Variants in CDKN1B observed in about 807,000 individuals in gnomAD.
The protein encoded by CDKN1B is cyclin dependent kinase inhibitor 1B.
Under a neutral mutation model 17.1 loss-of-function variants are expected in CDKN1B, and 7 were observed. The observed-to-expected ratio is 0.41, with a 90% CI of 0.23 to 0.77. The LOEUF (loss-of-function observed/expected upper bound fraction) is 0.77. Ranked by LOEUF, CDKN1B falls within the 30% of genes least tolerant of loss-of-function variation. The pLI is 0.33. For missense variants in CDKN1B, 337 were observed against 262.0 expected (o/e 1.29, Z -1.98); for synonymous variants, 149 against 104.3 (o/e 1.43, Z -2.61).
At chr12:12,720,875 C>T (rs1946535126) in intron 2 of CDKN1B, among the ~76,000 whole-genome samples, 161 bp from the exon 3 acceptor site, 1 of 152,074 alleles carries the variant, frequency 6.6e-6, no homozygotes, top group African/African-American at 2.4e-5. Context: ...AAAAAAAAAT[C>T]CAGTTAAGAG....
At position 12,721,082 on chromosome 12, in the gene CDKN1B, G is replaced by A; in HGVS notation, c.*55G>A. Reference sequence around the variant, plus strand: ...TTTATCAGATACATCACTGCTTGATGAAGCAAGGAAGATATACATGAAAAT... The same window carrying A: ...TTTATCAGATACATCACTGCTTGATAAAGCAAGGAAGATATACATGAAAAT... On this transcript the variant is annotated 3_prime_UTR_variant, in exon 3 of 3. Transcript: ENST00000228872. 1 of 763,316 alleles carries A rather than the reference G, an allele frequency of 1.3e-6. No homozygotes were observed. The highest frequency in any genetic ancestry group is 2.4e-6 in the Non-Finnish European group (1 of 411,174). 47.3% of individuals were successfully genotyped at this position (763,316 alleles called of 1,614,324 possible). A position where few individuals can be genotyped will look rare whatever the true frequency, so the allele number is the denominator to read the frequency against.
In CDKN1B at chr12:12,718,944, TAAA is replaced by T. The variant is rs1946514190; in HGVS notation, c.596_*1del. 6.2e-7 allele frequency: 1 copy of T among 1,613,826 alleles called. No homozygotes were observed. The highest frequency in any genetic ancestry group is 8.5e-7 in the Non-Finnish European group (1 of 1,180,030). Reference sequence around the variant, plus strand: ...GCCTGGCCTCAGAAGACGTCAAACGTAAACAGCTCGGTGGGTTGATCACTAAAG... The same window carrying T: ...GCCTGGCCTCAGAAGACGTCAAACGTCAGCTCGGTGGGTTGATCACTAAAG... On this transcript the variant is annotated stop_lost and 3_prime_UTR_variant, in exon 2 of 3. Transcript: ENST00000228872.
In CDKN1B at chr12:12,717,879, G is replaced by A; in HGVS notation, c.40G>A (p.Glu14Lys). The change falls in exon 1 of 3, where the codon GAG becomes AAG. Residue 14 changes from glutamate to lysine, a missense_variant. Physicochemically the swap from Glu to Lys is moderately conservative, Grantham distance 56. Coordinates refer to ENST00000228872, the MANE Select transcript of CDKN1B (RefSeq NM_004064.5). ...AGTGTCTAACGGGAGCCCTAGCCTGGAGCGGATGGACGCCAGGCAGGCGGA... is the reference window on the plus strand; with the variant it reads ...AGTGTCTAACGGGAGCCCTAGCCTGAAGCGGATGGACGCCAGGCAGGCGGA... ...VRVSNGSPSL[E>K]RMDARQAEHP... 6.2e-7 allele frequency: 1 copy of A among 1,613,954 alleles called. No homozygotes were observed. The highest frequency in any genetic ancestry group is 8.5e-7 in the Non-Finnish European group (1 of 1,180,042).
chr12:12,718,554 C>T (rs1423732313), intron 1 of CDKN1B, among the ~76,000 whole-genome samples: 1 of 152,192 alleles, frequency 6.6e-6, no homozygotes, highest in Admixed American at 6.5e-5. Flanking sequence ...GTCCCTCTCA[C>T]TAGCAACTCC....
At chr12:12,718,797 T>G in intron 1 of CDKN1B, 28 bp from the exon 2 acceptor site, 1 of 1,613,798 alleles carries the variant, frequency 6.2e-7, no homozygotes, top group Non-Finnish European at 8.5e-7. Flanking sequence ...GATTGTGTGT[T>G]CTTTTTAAAA....
In CDKN1B at chr12:12,718,284, G is replaced by A. The variant is rs771553626; in HGVS notation, c.445G>A (p.Ala149Thr). 5 of 1,605,890 alleles carry A rather than the reference G, an allele frequency of 3.1e-6. No individual in the cohort carries two copies. Among genetic ancestry groups the A allele is most frequent in the African/African-American group, 1.3e-5 (1 of 75,064 alleles). The change falls in exon 1 of 3, where the codon GCA becomes ACA. Residue 149 changes from alanine (A) to threonine (T), a missense_variant. Physicochemically the swap from Ala to Thr is moderately conservative, Grantham distance 58. Transcript: ENST00000228872. Reference protein sequence around the residue: ...DSQTGLAEQCAGIRKRPATDD... With the variant: ...DSQTGLAEQCTGIRKRPATDD... ...CCAGACGGGGTTAGCGGAGCAATGC[G>A]CAGGAATAAGGAAGCGACCTGCAAC...
intron 2 of CDKN1B, among the ~76,000 whole-genome samples, chr12:12,720,023 C>T (rs1345002735): frequency 6.6e-6 from 1 of 152,082 alleles, no homozygotes; most frequent in Admixed American, 6.5e-5. Flanking sequence ...TTTAAAATAA[C>T]AGGGATTAAG....
intron 2 of CDKN1B, 90 bp downstream of exon 2, chr12:12,719,044 G>A: frequency 1.3e-6 from 2 of 1,540,328 alleles, no homozygotes; most frequent in Non-Finnish European, 1.8e-6. Context: ...CAAATTAAAA[G>A]CTTATGGGGT....
rs760403492 is a variant in CDKN1B, at chr12:12,718,233, G to A, written c.394G>A (p.Asp132Asn). The change falls in exon 1 of 3, where the codon GAC becomes AAC. Residue 132 changes from aspartate (D) to asparagine (N), a missense_variant. By Grantham distance (23) the Asp-to-Asn change is conservative. Transcript: ENST00000228872. ...TAACTCTGAGGACACGCATTTGGTG[G>A]ACCCAAAGACTGATCCGTCGGACAG... is the stretch of plus-strand genomic sequence containing the variant. ...PANSEDTHLV[D>N]PKTDPSDSQT... 6 of 1,611,792 alleles carry A rather than the reference G, an allele frequency of 3.7e-6. No individual in the cohort carries two copies. The South Asian group carries it at 6.6e-5, about 18-fold the overall frequency.
At position 12,718,302 on chromosome 12, in the gene CDKN1B, C is replaced by T. The variant is rs753502498; in HGVS notation, c.463C>T (p.Pro155Ser). 6 of 1,602,490 alleles carry T rather than the reference C, an allele frequency of 3.7e-6. No individual in the cohort carries two copies. Among genetic ancestry groups the T allele is most frequent in the Admixed American group, 1.7e-5 (1 of 60,000 alleles). ...GCAATGCGCAGGAATAAGGAAGCGACCTGCAACCGACGGTAATGACCCTTT... is the reference window on the plus strand; with the variant it reads ...GCAATGCGCAGGAATAAGGAAGCGATCTGCAACCGACGGTAATGACCCTTT... ...AEQCAGIRKR[P>S]ATDDSSTQNK... The change falls in exon 1 of 3, where the codon CCT becomes TCT. Residue 155 changes from proline (P) to serine (S), a missense_variant. By Grantham distance (74) the Pro-to-Ser change is moderately conservative. Coordinates refer to ENST00000228872, the MANE Select transcript of CDKN1B (RefSeq NM_004064.5).
chr12:12,721,165 A>C lies in CDKN1B; in HGVS notation c.*138A>C. ...GGACATCCTGTATAAGCACTGAAAAACAACAACACAATAACACTAAAATTT... is the reference window on the plus strand; with the variant it reads ...GGACATCCTGTATAAGCACTGAAAACCAACAACACAATAACACTAAAATTT... On this transcript the variant is annotated 3_prime_UTR_variant, in exon 3 of 3. Transcript: ENST00000228872. The C allele has an allele frequency of 1.3e-6, 1 of 775,042 alleles. No homozygotes were observed. The highest frequency in any genetic ancestry group is 2.4e-6 in the Non-Finnish European group (1 of 416,084). 48.0% of individuals were successfully genotyped at this position (775,042 alleles called of 1,614,324 possible).
At position 12,717,644 on chromosome 12, in the gene CDKN1B, C is replaced by T; in HGVS notation, c.-196C>T. On this transcript the variant is annotated 5_prime_UTR_variant, in exon 1 of 3. Coordinates refer to ENST00000228872, the MANE Select transcript of CDKN1B (RefSeq NM_004064.5). The stretch of plus-strand genomic sequence containing the variant: ...CATTTGATCAGCGGAGACTCGGCGG[C>T]CGGGCCGGGGCTTCCCCGCAGCCCC... The T allele has an allele frequency of 6.8e-7, 1 of 1,469,788 alleles. No homozygotes were observed. Among genetic ancestry groups the T allele is most frequent in the East Asian group, 2.5e-5 (1 of 40,458 alleles). 91.0% of individuals were successfully genotyped at this position (1,469,788 alleles called of 1,614,324 possible). A position where few individuals can be genotyped will look rare whatever the true frequency, so the allele number is the denominator to read the frequency against.
chr12:12,718,110 C>G lies in CDKN1B; in HGVS notation c.271C>G (p.Pro91Ala), dbSNP rs769828807. ...CAGCTTGCCCGAGTTCTACTACAGA[C>G]CCCCGCGGCCCCCCAAAGGTGCCTG... ...KGSLPEFYYRPPRPPKGACKV... is the reference protein window; with the variant it reads ...KGSLPEFYYRAPRPPKGACKV... The change falls in exon 1 of 3, where the codon CCC becomes GCC. Residue 91 changes from proline (P) to alanine (A), a missense_variant. Pro to Ala is a conservative substitution (Grantham distance 27, BLOSUM62 -1). Coordinates refer to ENST00000228872, the MANE Select transcript of CDKN1B (RefSeq NM_004064.5). The G allele has an allele frequency of 1.9e-6, 3 of 1,614,220 alleles. No homozygotes were observed. Among genetic ancestry groups the G allele is most frequent in the Non-Finnish European group, 1.7e-6 (2 of 1,180,052 alleles).
At chr12:12,718,373 G>A (rs866357678) in intron 1 of CDKN1B, 59 bp downstream of exon 1, 2 of 1,456,434 alleles carry the variant, frequency 1.4e-6, no homozygotes, top group Non-Finnish European at 1.9e-6. Context: ...CTGCTGGAGG[G>A]TGTTAACCTT....
chr12:12,717,851 G>A lies in CDKN1B; in HGVS notation c.12G>A (p.Val4=), dbSNP rs1555085477. Residue 4 remains valine, a synonymous_variant, in exon 1 of 3, where the codon GTG becomes GTA. Coordinates refer to ENST00000228872, the MANE Select transcript of CDKN1B (RefSeq NM_004064.5). Reference sequence around the variant, plus strand: ...GACCCGGGAGAAAGATGTCAAACGTGCGAGTGTCTAACGGGAGCCCTAGCC... The same window carrying A: ...GACCCGGGAGAAAGATGTCAAACGTACGAGTGTCTAACGGGAGCCCTAGCC... MSN[V]RVSNGSPSLE... is the part of the protein sequence containing the mutation. 6.2e-7 allele frequency: 1 copy of A among 1,613,276 alleles called. No homozygotes were observed. Among genetic ancestry groups the A allele is most frequent in the African/African-American group, 1.3e-5 (1 of 75,044 alleles).
At position 12,718,844 on chromosome 12, in the gene CDKN1B, A is replaced by G; in HGVS notation, c.495A>G (p.Lys165=). ...GCTTAGATTCTTCTACTCAAAACAA[A>G]AGAGCCAACAGAACAGAAGAAAATG... The part of the protein sequence containing the change: ...PATDDSSTQN[K]RANRTEENVS... Residue 165 remains lysine (K), a synonymous_variant, in exon 2 of 3, where the codon AAA becomes AAG. Transcript: ENST00000228872. The G allele has an allele frequency of 6.2e-7, 1 of 1,614,134 alleles. No homozygotes were observed. The highest frequency in any genetic ancestry group is 8.5e-7 in the Non-Finnish European group (1 of 1,180,024).
rs939718019 is a variant in CDKN1B at position 12,721,524 on chromosome 12, C to A, written c.*497C>A. ...TTTAAAAAAATCACAAAAATTTGAA[C>A]ACTGGCTAAAGATAATTGCTATTTA... On this transcript the variant is annotated 3_prime_UTR_variant, in exon 3 of 3. Coordinates refer to ENST00000228872, the MANE Select transcript of CDKN1B (RefSeq NM_004064.5). 4.7e-6 allele frequency: 1 copy of A among 213,930 alleles called. No individual in the cohort carries two copies. The highest frequency in any genetic ancestry group is 2.3e-5 in the African/African-American group (1 of 44,054). The allele number at this position is 213,930 out of a possible 1,614,324, so 13.3% of individuals were successfully genotyped here.
intron 1 of CDKN1B, 143 bp from the exon 2 acceptor site, chr12:12,718,682 A>G (rs918848368): frequency 2.2e-5 from 21 of 976,264 alleles, no homozygotes; most frequent in Non-Finnish European, 3.1e-5. Flanking sequence ...TGTGCCCTTA[A>G]AAGCCACTGG....
chr12:12,721,798 T>C lies in CDKN1B; in HGVS notation c.*771T>C, dbSNP rs1333646199. ...GAATGTTAAGAATTGACCATCTGCT[T>C]TTATTAAATTTGTTGACAAAATTTT... On this transcript the variant is annotated 3_prime_UTR_variant, in exon 3 of 3. Transcript: ENST00000228872. 6.6e-6 allele frequency: 1 copy of C among 152,224 alleles called. No homozygotes were observed. The highest frequency in any genetic ancestry group is 6.5e-5 in the Admixed American group (1 of 15,288). The allele number at this position is 152,224 out of a possible 1,614,324, so 9.4% of individuals were successfully genotyped here.
Sources: gnomAD v4.1 joint callset for allele counts (sites outside exome capture counted in the v4.1 genomes callset) on GRCh38, gnomAD v4.1.1 for gene constraint, MANE v1.5 for transcripts, NCBI Gene and HGNC (gene_info 2026-07-23, HGNC 2026-07-21) for gene names.